Variants in AFF3 observed in about 807,000 individuals in gnomAD.
AFF3 encodes ALF transcription elongation factor 3, also known as AF4/FMR2 family member 3.
In AFF3, 32 loss-of-function variants were observed where a neutral mutation model predicts 129.7. The ratio of observed to expected loss-of-function variants is 0.25; its 90% confidence interval spans 0.19 to 0.33. AFF3 has a LOEUF of 0.33. Among genes scored for constraint, AFF3 ranks in the 10% least tolerant of loss-of-function variants. The pLI is 1.00. For synonymous variants in AFF3, 644 were observed against 635.4 expected, an observed-to-expected ratio of 1.01 and a Z score of -0.20; for missense variants, 1,373 against 1,592.0, an observed-to-expected ratio of 0.86 and a Z score of 2.34.
chr2:99,591,862 C>A (rs1463532216), intron 15 of AFF3, among the ~76,000 whole-genome samples: 2 of 152,186 alleles, frequency 1.3e-5, no homozygotes, highest in African/African-American at 2.4e-5. Context: ...CTCTCTGAGC[C>A]TCTGTTCCCT....
At position 99,994,337 on chromosome 2, in the gene AFF3, T is replaced by G. The variant is rs1443797177; in HGVS notation, c.873+12295A>C. Among the ~76,000 whole-genome samples, 4 of 152,234 alleles carry G rather than the reference T, an allele frequency of 2.6e-5. No homozygotes were observed. The East Asian group carries it at 7.7e-4, about 29-fold the overall frequency. Reference sequence around the variant, plus strand: ...AGCTCAAGAGAGGCTCCAAATTCGATGAAACCAAAGAAACAGAAAGAGAGA... The same window carrying G: ...AGCTCAAGAGAGGCTCCAAATTCGAGGAAACCAAAGAAACAGAAAGAGAGA... On this transcript the variant is annotated intron_variant, in intron 7 of 24. Transcript: ENST00000672756.
At chr2:99,694,517 C>G (rs1289914226) in intron 11 of AFF3, among the ~76,000 whole-genome samples, 1 of 152,118 alleles carries the variant, frequency 6.6e-6, no homozygotes, top group Non-Finnish European at 1.5e-5. Flanking sequence ...TGGACGCCTA[C>G]TAATCAGTGT....
chr2:100,111,898 C>T (rs1332109935), intron 2 of AFF3, among the ~76,000 whole-genome samples: 1 of 152,230 alleles, frequency 6.6e-6, no homozygotes, highest in Non-Finnish European at 1.5e-5. Flanking sequence ...GCAGTCTCCA[C>T]ATGAATGTTT....
chr2:99,559,310 G>A (rs1448482692), intron 21 of AFF3, among the ~76,000 whole-genome samples: 1 of 152,256 alleles, frequency 6.6e-6, no homozygotes, highest in African/African-American at 2.4e-5. Flanking sequence ...CTAGTACGCA[G>A]CCTTCACTGC....
At chr2:99,714,384 C>T (rs974552566) in intron 11 of AFF3, among the ~76,000 whole-genome samples, 1 of 152,082 alleles carries the variant, frequency 6.6e-6, no homozygotes, top group Non-Finnish European at 1.5e-5. Context: ...CTTGAAGAGG[C>T]CCTTTCTATT....
chr2:99,704,461 G>A (rs1215148320), intron 11 of AFF3, among the ~76,000 whole-genome samples: 1 of 152,118 alleles, frequency 6.6e-6, no homozygotes, highest in Non-Finnish European at 1.5e-5. Flanking sequence ...CTGGCACCCT[G>A]ATAATGGCCA....
intron 13 of AFF3, among the ~76,000 whole-genome samples, chr2:99,617,883 T>G (rs1681595060): frequency 1.3e-5 from 2 of 152,178 alleles, no homozygotes; most frequent in African/African-American, 2.4e-5. Context: ...AGGTTGCATA[T>G]CAGGTTAGTG....
At chr2:100,134,549 T>C (rs972857198) in intron 1 of AFF3, among the ~76,000 whole-genome samples, 1 of 152,220 alleles carries the variant, frequency 6.6e-6, no homozygotes, top group Non-Finnish European at 1.5e-5. Context: ...TTATTTGGTA[T>C]CAGGCTTACA....
chr2:99,643,415 G>A (rs1333777517), intron 13 of AFF3, among the ~76,000 whole-genome samples: 2 of 151,986 alleles, frequency 1.3e-5, no homozygotes, highest in African/African-American at 4.8e-5. Flanking sequence ...GGCTGCTGAG[G>A]GCCTCAGGGC....
intron 8 of AFF3, among the ~76,000 whole-genome samples, chr2:99,816,542 T>C (rs908368066): frequency 3.9e-5 from 6 of 151,954 alleles, no homozygotes; most frequent in Non-Finnish European, 8.8e-5. Context: ...TGGTCAGGAG[T>C]CTAGTTGTTT....
chr2:100,119,211 G>A (rs1691851625), intron 2 of AFF3, among the ~76,000 whole-genome samples: 1 of 152,194 alleles, frequency 6.6e-6, no homozygotes, highest in African/African-American at 2.4e-5. Flanking sequence ...TTGTCTTAAT[G>A]CCTTTACTAG....
intron 4 of AFF3, among the ~76,000 whole-genome samples, chr2:100,090,956 C>T (rs1339979357): frequency 3.3e-5 from 5 of 152,226 alleles, no homozygotes; most frequent in East Asian, 3.8e-4. Flanking sequence ...TCCCAAAGTG[C>T]TGGGATTACA....
intron 4 of AFF3, among the ~76,000 whole-genome samples, chr2:100,064,833 CT>C (rs1331981991): frequency 6.6e-6 from 1 of 152,188 alleles, no homozygotes; most frequent in East Asian, 1.9e-4. Flanking sequence ...ACGCTGTTCT[CT>C]TTTTTATAAA....
intron 7 of AFF3, among the ~76,000 whole-genome samples, chr2:99,843,976 GCCAAGAGTGCAC>G (rs1186735761): frequency 6.6e-5 from 10 of 152,206 alleles, no homozygotes; most frequent in African/African-American, 2.4e-4. Context: ...GTTGCAGTGA[GCCAAGAGTGCAC>G]CACTGCACTC....
At chr2:99,554,927 TG>T (rs1674779146) in intron 22 of AFF3, among the ~76,000 whole-genome samples, 195 bp from the exon 23 acceptor site, 1 of 152,234 alleles carries the variant, frequency 6.6e-6, no homozygotes, top group African/African-American at 2.4e-5. Flanking sequence ...TCGGGACAGC[TG>T]CCTGGACTTC....
chr2:99,605,359 G>C (rs775095892), intron 13 of AFF3, among the ~76,000 whole-genome samples: 1 of 152,200 alleles, frequency 6.6e-6, no homozygotes, highest in Admixed American at 6.5e-5. Flanking sequence ...GGTCCCGGTA[G>C]AGCATGCATA....
chr2:99,888,845 C>T (rs1693323526), intron 7 of AFF3, among the ~76,000 whole-genome samples: 1 of 152,134 alleles, frequency 6.6e-6, no homozygotes, highest in South Asian at 2.1e-4. Context: ...CAACAAGACA[C>T]TTAATCAATA....
intron 8 of AFF3, among the ~76,000 whole-genome samples, chr2:99,784,681 C>T (rs368061308): frequency 5.3e-5 from 8 of 152,202 alleles, no homozygotes; most frequent in East Asian, 1.9e-4. Flanking sequence ...TCAGGCATTT[C>T]GCTGCAAGAG....
At chr2:99,725,581 C>T (rs567344075) in intron 11 of AFF3, among the ~76,000 whole-genome samples, 4 of 151,120 alleles carry the variant, frequency 2.6e-5, no homozygotes, top group South Asian at 2.1e-4. Flanking sequence ...CTGCCTGCCT[C>T]GGCCTCCCAA....
Sources: allele counts gnomAD v4.1 joint callset (sites outside exome capture counted in the v4.1 genomes callset), GRCh38; gene constraint gnomAD v4.1.1; transcripts MANE v1.5; gene names NCBI Gene and HGNC (gene_info 2026-07-23, HGNC 2026-07-21).